Variants in MCUR1 observed in about 807,000 individuals in gnomAD.
MCUR1 encodes mitochondrial calcium uniporter regulator 1, also known as MCU regulator 1.
Under a neutral mutation model 42.0 loss-of-function variants are expected in MCUR1, and 37 were observed. The ratio of observed to expected loss-of-function variants is 0.88; its 90% CI spans 0.68 to 1.16. The LOEUF (loss-of-function observed/expected upper bound fraction) is 1.16. Among genes scored for constraint, MCUR1 ranks in the 50% most tolerant of loss-of-function variants. MCUR1 has a pLI of 0.00. For synonymous variants in MCUR1, 229 were observed against 196.2 expected, an observed-to-expected ratio of 1.17 and a Z score of -1.40; for missense variants, 469 against 468.4, an observed-to-expected ratio of 1.00 and a Z score of -0.01.
intron 4 of MCUR1, 124 bp downstream of exon 4, chr6:13,801,163 TG>T: frequency 2.9e-6 from 2 of 694,792 alleles, no homozygotes; most frequent in Middle Eastern, 4.3e-4. Context: ...TCGATCTGAC[TG>T]GAAGTGCACA....
chr6:13,788,973 G>A lies in MCUR1; in HGVS notation c.*1836C>T, dbSNP rs2113447671. On this transcript the variant is annotated 3_prime_UTR_variant, in exon 9 of 9. Coordinates refer to ENST00000379170, the MANE Select transcript of MCUR1 (RefSeq NM_001031713.4). ...TTTTTACCAATGTGGTTGGAACAGT[G>A]ACAACGAGCAATGTATTCACCAAAC... 1 of 152,304 alleles carries A rather than the reference G, an allele frequency of 6.6e-6. No individual in the cohort carries two copies. Among genetic ancestry groups the A allele is most frequent in the East Asian group, 1.9e-4 (1 of 5,188 alleles). The allele number at this position is 152,304 out of a possible 1,614,324, so 9.4% of individuals were successfully genotyped here. A position where few individuals can be genotyped will look rare whatever the true frequency, so the allele number is the denominator to read the frequency against.
intron 3 of MCUR1, among the ~76,000 whole-genome samples, chr6:13,801,757 G>A (rs1004665536): frequency 6.6e-6 from 1 of 152,104 alleles, no homozygotes; most frequent in African/African-American, 2.4e-5. Context: ...GGCTGATGTG[G>A]GAGGATCACT....
At chr6:13,809,911 A>G (rs1357855990) in intron 1 of MCUR1, among the ~76,000 whole-genome samples, 1 of 151,850 alleles carries the variant, frequency 6.6e-6, no homozygotes, top group East Asian at 1.9e-4. Context: ...ATCGAAAAAA[A>G]AAATATTTAA....
chr6:13,795,123 G>GAA (rs56398119), intron 6 of MCUR1, among the ~76,000 whole-genome samples: 24 of 102,964 alleles, frequency 2.3e-4, no homozygotes, highest in Admixed American at 1.9e-3. Context: ...CTTAGAAGTA[G>GAA]AAAAAAAAAA....
intron 1 of MCUR1, 138 bp downstream of exon 1, chr6:13,813,877 C>T (rs1018294465): frequency 2.1e-6 from 2 of 946,430 alleles, no homozygotes; most frequent in African/African-American, 3.4e-5. Flanking sequence ...ACCCACGCTC[C>T]GGGCAGATGC....
chr6:13,797,424 T>A (rs550884177), intron 6 of MCUR1, among the ~76,000 whole-genome samples: 7 of 152,110 alleles, frequency 4.6e-5, no homozygotes, highest in African/African-American at 1.7e-4. Flanking sequence ...TAAAACACAC[T>A]TAGGCCGGGC....
rs769058041 is a variant in MCUR1, at chr6:13,814,454, C to T, written c.-25G>A. The T allele has an allele frequency of 1.3e-6, 2 of 1,481,728 alleles. No homozygotes were observed. The highest frequency in any genetic ancestry group is 2.9e-5 in the African/African-American group (2 of 68,570). 91.8% of individuals were successfully genotyped at this position (1,481,728 alleles called of 1,614,324 possible). Reference sequence around the variant, plus strand: ...TCCCCGAGCAGTTCACTGGCCCGGGCGCGCGCTCATGCCTCTCGCTTTTGG... The same window carrying T: ...TCCCCGAGCAGTTCACTGGCCCGGGTGCGCGCTCATGCCTCTCGCTTTTGG... On this transcript the variant is annotated 5_prime_UTR_variant, in exon 1 of 9. Coordinates refer to ENST00000379170, the MANE Select transcript of MCUR1 (RefSeq NM_001031713.4).
intron 1 of MCUR1, among the ~76,000 whole-genome samples, chr6:13,813,289 T>C (rs905806323): frequency 6.6e-6 from 1 of 152,210 alleles, no homozygotes; most frequent in Non-Finnish European, 1.5e-5. Context: ...ACCTTCTCAA[T>C]GAAATCGATT....
Position 13,814,403 on chromosome 6 carries a change from C to G in MCUR1, c.27G>C (p.Gln9His). The G allele has an allele frequency of 6.5e-7, 1 of 1,538,558 alleles. No homozygotes were observed. The highest frequency in any genetic ancestry group is 1.2e-5 in the South Asian group (1 of 84,308). Residue 9 changes from glutamine (Q) to histidine (H), a missense_variant, in exon 1 of 9, where the codon CAG (glutamine) becomes CAC (histidine). Physicochemically the swap from Gln to His is conservative, Grantham distance 24 (BLOSUM62 0). Transcript: ENST00000379170. ...GGCGGCCGGGCAGGCGCTGGGTCCTCTGGCCGCCGACCGAGCCGCAGTCCA... is the reference window on the plus strand; with the variant it reads ...GGCGGCCGGGCAGGCGCTGGGTCCTGTGGCCGCCGACCGAGCCGCAGTCCA... MDCGSVGG[Q>H]RTQRLPGRQR...
At chr6:13,806,317 C>G (rs947177251) in intron 2 of MCUR1, among the ~76,000 whole-genome samples, 3 of 152,140 alleles carry the variant, frequency 2.0e-5, no homozygotes, top group African/African-American at 7.2e-5. Flanking sequence ...AGAACTGCTA[C>G]TCAGCAACAT....
intron 7 of MCUR1, among the ~76,000 whole-genome samples, chr6:13,793,274 C>A (rs1039460991): frequency 2.0e-5 from 3 of 152,070 alleles, no homozygotes; most frequent in African/African-American, 2.4e-5. Context: ...TGCATATATA[C>A]CCAAAAGAAC....
At chr6:13,808,072 A>C (rs1760150629) in intron 1 of MCUR1, among the ~76,000 whole-genome samples, 1 of 152,218 alleles carries the variant, frequency 6.6e-6, no homozygotes, top group African/African-American at 2.4e-5. Flanking sequence ...GGCTCTGTTC[A>C]TGAATGGATT....
chr6:13,802,176 A>G, intron 3 of MCUR1, 67 bp downstream of exon 3: 2 of 1,290,982 alleles, frequency 1.5e-6, no homozygotes, highest in East Asian at 4.7e-5. Flanking sequence ...AATTATATTA[A>G]AACATTACTA....
At chr6:13,801,222 G>T in intron 4 of MCUR1, 66 bp downstream of exon 4, 1 of 1,043,700 alleles carries the variant, frequency 9.6e-7, no homozygotes, top group Non-Finnish European at 1.5e-6. Flanking sequence ...GCTCTTTTAT[G>T]TGTATATAAT....
chr6:13,804,814 A>AG (rs1561734460), intron 2 of MCUR1, among the ~76,000 whole-genome samples: 144 of 148,870 alleles, frequency 9.7e-4, no homozygotes, highest in African/African-American at 3.4e-3. Flanking sequence ...AAAAAAAAAA[A>AG]GTGGAAGTCT....
chr6:13,791,168 A>C (rs1238108128), intron 8 of MCUR1, among the ~76,000 whole-genome samples: 1 of 152,150 alleles, frequency 6.6e-6, no homozygotes, highest in Admixed American at 6.6e-5. Context: ...GCCTCCCAAG[A>C]AGCTGAAGCT....
chr6:13,814,452 G>A lies in MCUR1; in HGVS notation c.-23C>T. ...CATCCCCGAGCAGTTCACTGGCCCG[G>A]GCGCGCGCTCATGCCTCTCGCTTTT... On this transcript the variant is annotated 5_prime_UTR_variant, in exon 1 of 9. Coordinates refer to ENST00000379170, the MANE Select transcript of MCUR1 (RefSeq NM_001031713.4). The A allele has an allele frequency of 5.4e-6, 8 of 1,484,650 alleles. No individual in the cohort carries two copies. Among genetic ancestry groups the A allele is most frequent in the Non-Finnish European group, 6.2e-6 (7 of 1,127,874 alleles). 92.0% of individuals were successfully genotyped at this position (1,484,650 alleles called of 1,614,324 possible). A position where few individuals can be genotyped will look rare whatever the true frequency, so the allele number is the denominator to read the frequency against.
chr6:13,797,336 TAA>T (rs1759877386), intron 6 of MCUR1, among the ~76,000 whole-genome samples: 1 of 152,110 alleles, frequency 6.6e-6, no homozygotes, highest in South Asian at 2.1e-4. Context: ...CAAATTCAAA[TAA>T]AGTCTGAGCA....
intron 3 of MCUR1, 33 bp downstream of exon 3, chr6:13,802,210 T>A (rs953060443): frequency 6.5e-7 from 1 of 1,538,788 alleles, no homozygotes; most frequent in Non-Finnish European, 9.0e-7. Context: ...ATCTTCACAG[T>A]CCTAATTTGC....
Sources: gnomAD v4.1 joint callset for allele counts (sites outside exome capture counted in the v4.1 genomes callset) on GRCh38, gnomAD v4.1.1 for gene constraint, MANE v1.5 for transcripts, NCBI Gene and HGNC (gene_info 2026-07-23, HGNC 2026-07-21) for gene names.